The following ZSWIM5 variants were observed in gnomAD, a reference collection of about 807,000 sequenced individuals.
ZSWIM5 encodes zinc finger SWIM domain-containing protein 5.
ZSWIM5 carries 55 observed loss-of-function variants against 119.6 expected under a neutral mutation model. The observed-to-expected ratio is 0.46, with a 90% confidence interval of 0.37 to 0.58. ZSWIM5 has a LOEUF of 0.58. Among genes scored for constraint, ZSWIM5 ranks in the 20% least tolerant of loss-of-function variants. The pLI, the probability that ZSWIM5 is intolerant of heterozygous loss-of-function variation, is 0.00. For synonymous variants in ZSWIM5, 537 were observed against 606.9 expected, an observed-to-expected ratio of 0.88 and a Z score of 1.69; for missense variants, 1,193 against 1,512.8, an observed-to-expected ratio of 0.79 and a Z score of 3.51.
Position 45,018,664 on chromosome 1 carries a change from G to C in ZSWIM5, c.3348C>G (p.Ile1116Met). ...AGTGTGTAGTGTTGATATAGGCATT[G>C]ATGGTGGCATCCAGCAACTGGCGCA... ...APLRQLLDAT[I>M]NAYINTTHSR... is the part of the protein sequence containing the mutation. The change falls in exon 14 of 14, where the codon ATC becomes ATG. Residue 1116 changes from isoleucine (I) to methionine (M), a missense_variant. Around this residue, in one of 2 missense-constraint regions of ZSWIM5, gnomAD observed 961 missense variants for 1,290.0 expected, o/e 0.74. Transcript: ENST00000359600. The surrounding 1 kb of genome is among the most constrained non-coding windows in gnomAD (Gnocchi z 6.7). 1 of 1,614,254 alleles carries C rather than the reference G, an allele frequency of 6.2e-7. No individual in the cohort carries two copies. Among genetic ancestry groups the C allele is most frequent in the Non-Finnish European group, 8.5e-7 (1 of 1,180,048 alleles).
chr1:45,037,547 G>GT (rs1644992834), intron 8 of ZSWIM5, among the ~76,000 whole-genome samples: 1 of 152,166 alleles, frequency 6.6e-6, no homozygotes, highest in African/African-American at 2.4e-5. Context: ...CACCTTAAAG[G>GT]GATTAGACCA....
chr1:45,194,528 C>T (rs891010158), intron 1 of ZSWIM5, among the ~76,000 whole-genome samples: 10 of 152,114 alleles, frequency 6.6e-5, no homozygotes, highest in African/African-American at 2.4e-4. Context: ...TTTGGATCAA[C>T]TATGCACCAA....
At chr1:45,178,619 T>C (rs1645995358) in intron 1 of ZSWIM5, among the ~76,000 whole-genome samples, 2 of 152,152 alleles carry the variant, frequency 1.3e-5, no homozygotes, top group South Asian at 4.1e-4. Context: ...GAAATTTGCA[T>C]TTCTGATTTG....
At chr1:45,172,423 T>A (rs985730244) in intron 1 of ZSWIM5, among the ~76,000 whole-genome samples, 6 of 152,044 alleles carry the variant, frequency 3.9e-5, no homozygotes, top group Admixed American at 1.3e-4. Context: ...CTTAGTGAAG[T>A]GAACTGAAAA....
intron 5 of ZSWIM5, among the ~76,000 whole-genome samples, chr1:45,046,781 T>C (rs570808086): frequency 6.6e-6 from 1 of 151,886 alleles, no homozygotes; most frequent in East Asian, 1.9e-4. Flanking sequence ...ATCCCAGCAC[T>C]TTGAGAGGCA....
In ZSWIM5 at chr1:45,128,832, C is replaced by CT. The variant is rs971281700; in HGVS notation, c.596-40596dup. Among the ~76,000 whole-genome samples, 27 of 152,092 alleles carry CT rather than the reference C, an allele frequency of 1.8e-4. 1 individual carries two copies. The highest frequency in any genetic ancestry group is 6.5e-4 in the African/African-American group (27 of 41,506). On this transcript the variant is annotated intron_variant, in intron 1 of 13. Coordinates refer to ENST00000359600, the MANE Select transcript of ZSWIM5 (RefSeq NM_020883.2). ...CTCTGGCAACCACTAGGTTTTTCTT[C>CT]TTTTTTTTACTGTCTAAAGTTTTAC...
At chr1:45,074,274 T>G (rs1388719463) in intron 2 of ZSWIM5, among the ~76,000 whole-genome samples, 3 of 152,002 alleles carry the variant, frequency 2.0e-5, no homozygotes, top group African/African-American at 7.3e-5. Flanking sequence ...TATTTCTTCC[T>G]CCTCTATTTT....
chr1:45,079,766 G>T (rs747985682), intron 2 of ZSWIM5, among the ~76,000 whole-genome samples: 11 of 152,184 alleles, frequency 7.2e-5, no homozygotes, highest in Non-Finnish European at 2.9e-5. Flanking sequence ...TCTCACCCAA[G>T]GTTCTCAATG....
intron 1 of ZSWIM5, among the ~76,000 whole-genome samples, chr1:45,101,853 A>G (rs113190927): frequency 6.6e-6 from 1 of 152,156 alleles, no homozygotes; most frequent in Non-Finnish European, 1.5e-5. Context: ...GAACACCTGT[A>G]CACAGGGCGG....
intron 1 of ZSWIM5, among the ~76,000 whole-genome samples, chr1:45,162,659 A>G (rs946124262): frequency 1.3e-5 from 2 of 152,248 alleles, no homozygotes; most frequent in Admixed American, 1.3e-4. Flanking sequence ...CAAACAGCAC[A>G]CCAGGAGATT....
chr1:45,195,469 G>C (rs1357524528), intron 1 of ZSWIM5, among the ~76,000 whole-genome samples: 2 of 152,028 alleles, frequency 1.3e-5, no homozygotes, highest in East Asian at 3.9e-4. Context: ...CTGGGGTCAA[G>C]TGATCCTCCC....
intron 1 of ZSWIM5, among the ~76,000 whole-genome samples, chr1:45,094,664 A>T (rs1383895741): frequency 6.6e-6 from 1 of 151,988 alleles, no homozygotes; most frequent in Non-Finnish European, 1.5e-5. Context: ...GGAGTTCAAG[A>T]CCAGCCTGGC....
In ZSWIM5 at chr1:45,044,777, ATATATATATAT is replaced by A. The variant is rs1557746490; in HGVS notation, c.1433-1393_1433-1383del. Among the ~76,000 whole-genome samples, 9 of 1,874 alleles carry A rather than the reference ATATATATATAT, an allele frequency of 4.8e-3. 4 individuals are homozygous for A. The highest frequency in any genetic ancestry group is 0.013 in the African/African-American group (9 of 702). 1.2% of individuals were successfully genotyped at this position (1,874 alleles called of 152,430 possible). A position where few individuals can be genotyped will look rare whatever the true frequency, so the allele number is the denominator to read the frequency against. On this transcript the variant is annotated intron_variant, in intron 5 of 13. Transcript: ENST00000359600. ...TATATATATATATATATATATATAA[ATATATATATAT>A]AAATATATATATATAAATATATATA...
intron 1 of ZSWIM5, among the ~76,000 whole-genome samples, chr1:45,158,316 G>A (rs1237467505): frequency 6.6e-6 from 1 of 152,032 alleles, no homozygotes; most frequent in Admixed American, 6.6e-5. Context: ...TTACAGGTGT[G>A]TGCCACCATG....
At chr1:45,110,149 G>A (rs1338953633) in intron 1 of ZSWIM5, among the ~76,000 whole-genome samples, 2 of 152,022 alleles carry the variant, frequency 1.3e-5, no homozygotes, top group Middle Eastern at 3.2e-3. Context: ...TTATAGATGT[G>A]AGCCACCACA....
chr1:45,066,950 G>A (rs1645187469), intron 2 of ZSWIM5, among the ~76,000 whole-genome samples: 1 of 152,188 alleles, frequency 6.6e-6, no homozygotes. Context: ...AGGCAAAGGT[G>A]TTAGGAGTAA....
chr1:45,083,451 A>G (rs1645306515), intron 2 of ZSWIM5, among the ~76,000 whole-genome samples: 1 of 151,970 alleles, frequency 6.6e-6, no homozygotes, highest in African/African-American at 2.4e-5. Context: ...AGGTCTCACT[A>G]TGTTGTTCAG....
intron 11 of ZSWIM5, 41 bp downstream of exon 11, chr1:45,034,271 C>G (rs1273879976): frequency 6.5e-7 from 1 of 1,532,784 alleles, no homozygotes; most frequent in African/African-American, 1.4e-5. Flanking sequence ...GTTGGGCAGG[C>G]AGACGGGTGA....
At chr1:45,045,907 G>A (rs1645050707) in intron 5 of ZSWIM5, among the ~76,000 whole-genome samples, 1 of 152,052 alleles carries the variant, frequency 6.6e-6, no homozygotes, top group South Asian at 2.1e-4. Flanking sequence ...AAAGCAAGCT[G>A]GTGTTAGGCA....
Sources: gnomAD v4.1 joint callset for allele counts (sites outside exome capture counted in the v4.1 genomes callset) on GRCh38, gnomAD v4.1.1 for gene constraint, gnomAD v4.1.1 regional missense constraint, Gnocchi (gnomAD v3.1) non-coding constraint, MANE v1.5 for transcripts, NCBI Gene and HGNC (gene_info 2026-07-23, HGNC 2026-07-21) for gene names.